Variants in PTPRM observed in about 807,000 individuals in gnomAD.
The protein encoded by PTPRM is protein tyrosine phosphatase receptor type M.
Under a neutral mutation model 186.7 loss-of-function variants are expected in PTPRM, and 47 were observed. The observed-to-expected ratio is 0.25, with a 90% CI of 0.20 to 0.32. The LOEUF is 0.32. Among genes scored for constraint, PTPRM ranks in the 10% least tolerant of loss-of-function variants. The pLI, the probability that PTPRM is intolerant of heterozygous loss-of-function variation, is 1.00. For missense variants in PTPRM, 1,494 were observed against 1,865.0 expected (o/e 0.80, Z 3.66); for synonymous variants, 668 against 674.9 (o/e 0.99, Z 0.16).
At chr18:7,608,028 A>G (rs2037578077) in intron 1 of PTPRM, among the ~76,000 whole-genome samples, 1 of 152,198 alleles carries the variant, frequency 6.6e-6, no homozygotes, top group African/African-American at 2.4e-5. Context: ...TGTTGCAGTA[A>G]TGAGTGAAAC....
chr18:8,097,293 G>T (rs1479554343), intron 11 of PTPRM, among the ~76,000 whole-genome samples: 1 of 152,148 alleles, frequency 6.6e-6, no homozygotes, highest in Admixed American at 6.5e-5. Flanking sequence ...TTAGGGAGTG[G>T]TTTTGGTGTT....
intron 4 of PTPRM, 24 bp from the exon 5 acceptor site, chr18:7,926,544 C>A: frequency 1.9e-6 from 3 of 1,560,022 alleles, no homozygotes; most frequent in Non-Finnish European, 2.6e-6. Flanking sequence ...CTTTTAATAT[C>A]TTTCATTCTT....
At position 8,053,576 on chromosome 18, in the gene PTPRM, G is replaced by C. The variant is rs115982507; in HGVS notation, c.1133-16110G>C. On this transcript the variant is annotated intron_variant, in intron 7 of 32. Coordinates refer to ENST00000580170, the MANE Select transcript of PTPRM (RefSeq NM_001105244.2). ...TTACTGTAGCTTTTAAATAACTCTT[G>C]GCATCTGATAGAACAAATTTTCCTA... Among the ~76,000 whole-genome samples the C allele has an allele frequency of 8.7e-3, 1,321 of 152,158 alleles. 15 individuals are homozygous for C. The highest frequency in any genetic ancestry group is 0.03 in the African/African-American group (1,238 of 41,526).
chr18:7,707,681 C>G (rs918256918), intron 1 of PTPRM, among the ~76,000 whole-genome samples: 1 of 152,016 alleles, frequency 6.6e-6, no homozygotes, highest in African/African-American at 2.4e-5. Context: ...CTGTCTCATA[C>G]TTTATAAGAT....
chr18:7,934,047 G>A (rs1162163597), intron 5 of PTPRM, among the ~76,000 whole-genome samples: 1 of 152,056 alleles, frequency 6.6e-6, no homozygotes, highest in Non-Finnish European at 1.5e-5. Flanking sequence ...TCTTGCCGTG[G>A]CATCCACATT....
At chr18:8,257,782 A>G (rs78520459) in intron 19 of PTPRM, among the ~76,000 whole-genome samples, 10,508 of 152,242 alleles carry the variant, frequency 0.069, 412 homozygotes, top group Middle Eastern at 0.13. Flanking sequence ...TATGTTGTAA[A>G]ATTTTTTTGA....
intron 1 of PTPRM, among the ~76,000 whole-genome samples, chr18:7,702,650 TCACTC>T (rs1462254238): frequency 2.6e-5 from 4 of 152,272 alleles, no homozygotes; most frequent in Admixed American, 2.6e-4. Flanking sequence ...GGTTGCCTGT[TCACTC>T]TGATGATAGT....
chr18:7,888,697 A>G (rs1048622739), intron 3 of PTPRM, among the ~76,000 whole-genome samples: 1 of 152,146 alleles, frequency 6.6e-6, no homozygotes, highest in African/African-American at 2.4e-5. Flanking sequence ...TCACAGCACA[A>G]TTCATAATAG....
At chr18:7,580,076 C>T (rs2036803426) in intron 1 of PTPRM, among the ~76,000 whole-genome samples, 3 of 152,158 alleles carry the variant, frequency 2.0e-5, no homozygotes, top group Non-Finnish European at 4.4e-5. Flanking sequence ...CTAGCTGTCA[C>T]CTCGATAAGT....
At position 8,267,051 on chromosome 18, in the gene PTPRM, G is replaced by C. The variant is rs1352518361; in HGVS notation, c.2754+13637G>C. ...TGTTTACTTCAGGGAAACTATATGA[G>C]ATACTGAATAATTGTAATGTATTCA... On this transcript the variant is annotated intron_variant, in intron 19 of 32. Coordinates refer to ENST00000580170, the MANE Select transcript of PTPRM (RefSeq NM_001105244.2). 3.3e-5 allele frequency among the ~76,000 whole-genome samples: 5 copies of C among 152,302 alleles called. No homozygotes were observed. The South Asian group carries it at 1.0e-3, about 32-fold the overall frequency.
At chr18:8,047,025 T>A (rs2087112345) in intron 7 of PTPRM, among the ~76,000 whole-genome samples, 1 of 152,226 alleles carries the variant, frequency 6.6e-6, no homozygotes, top group African/African-American at 2.4e-5. Flanking sequence ...TTGAAAGATT[T>A]GATTCTTCCC....
At chr18:8,228,102 G>A (rs2094237557) in intron 14 of PTPRM, among the ~76,000 whole-genome samples, 1 of 152,210 alleles carries the variant, frequency 6.6e-6, no homozygotes, top group African/African-American at 2.4e-5. Flanking sequence ...GTGAGCTGTG[G>A]GTTACTCCCA....
intron 7 of PTPRM, among the ~76,000 whole-genome samples, chr18:8,046,012 C>T (rs985875581): frequency 6.6e-6 from 1 of 152,084 alleles, no homozygotes; most frequent in Non-Finnish European, 1.5e-5. Flanking sequence ...AGGGTAGTGT[C>T]ATGGGGAGGT....
intron 24 of PTPRM, 123 bp from the exon 25 acceptor site, chr18:8,375,923 C>T: frequency 9.7e-7 from 1 of 1,033,026 alleles, no homozygotes; most frequent in Non-Finnish European, 1.4e-6. Flanking sequence ...CCCCAGCAGT[C>T]CACTGTTTCC....
intron 2 of PTPRM, among the ~76,000 whole-genome samples, chr18:7,842,947 T>TATATATATATATAGAGAGAGAGAG (rs370746043): frequency 1.4e-4 from 16 of 112,116 alleles, no homozygotes; most frequent in East Asian, 6.2e-4. Context: ...TATATATATA[T>TATATATATATATAGAGAGAGAGAG]AGAGAGAGAG....
chr18:8,380,880 G>A (rs564734472), intron 29 of PTPRM, among the ~76,000 whole-genome samples: 14 of 152,112 alleles, frequency 9.2e-5, no homozygotes, highest in Non-Finnish European at 1.2e-4. Flanking sequence ...ACAGCTCACC[G>A]GGAGCCTACA....
At position 8,183,089 on chromosome 18, in the gene PTPRM, T is replaced by C. The variant is rs2093598406; in HGVS notation, c.2300+39310T>C. The stretch of plus-strand genomic sequence containing the variant: ...TAGTCACACAGCACTTATAATTAGA[T>C]AAGTTTACTTTTGTTTCAAAACTTT... On this transcript the variant is annotated intron_variant, in intron 14 of 32. Coordinates refer to ENST00000580170, the MANE Select transcript of PTPRM (RefSeq NM_001105244.2). Among the ~76,000 whole-genome samples, 3 of 152,248 alleles carry C rather than the reference T, an allele frequency of 2.0e-5. No homozygotes were observed. In the South Asian group the frequency reaches 6.2e-4, roughly 32 times the overall value.
chr18:7,577,342 A>G (rs1456180891), intron 1 of PTPRM, among the ~76,000 whole-genome samples: 1 of 152,212 alleles, frequency 6.6e-6, no homozygotes, highest in Non-Finnish European at 1.5e-5. Flanking sequence ...ACTGATCACT[A>G]AAAAATGAAA....
intron 14 of PTPRM, among the ~76,000 whole-genome samples, chr18:8,170,132 A>G (rs1320216754): frequency 1.3e-5 from 2 of 152,186 alleles, no homozygotes; most frequent in Non-Finnish European, 2.9e-5. Context: ...GACTTTTTTG[A>G]TGACTGCTTA....
Sources: allele counts gnomAD v4.1 joint callset (sites outside exome capture counted in the v4.1 genomes callset), GRCh38; gene constraint gnomAD v4.1.1; transcripts MANE v1.5; gene names NCBI Gene and HGNC (gene_info 2026-07-23, HGNC 2026-07-21).